The following CD4 variants were observed in gnomAD, a reference collection of about 807,000 sequenced individuals.
The protein encoded by CD4 is CD4 molecule.
CD4 carries 25 observed loss-of-function variants against 50.5 expected under a neutral mutation model. The ratio of observed to expected loss-of-function variants is 0.49; its 90% confidence interval spans 0.36 to 0.69. CD4 has a LOEUF of 0.69. CD4 is among the 30% of genes least tolerant of loss of function. The pLI is 0.00. For missense variants in CD4, 456 were observed against 548.5 expected (o/e 0.83, Z 1.68); for synonymous variants, 207 against 221.9 (o/e 0.93, Z 0.60).
intron 7 of CD4, among the ~76,000 whole-genome samples, chr12:6,817,864 TG>T (rs1180321535): frequency 7.0e-6 from 1 of 142,610 alleles, no homozygotes; most frequent in African/African-American, 2.9e-5. Context: ...TACTCACACA[TG>T]CATGCACACA....
intron 3 of CD4, among the ~76,000 whole-genome samples, chr12:6,811,494 T>C (rs1282679146): frequency 8.6e-6 from 1 of 116,278 alleles, no homozygotes; most frequent in African/African-American, 4.2e-5. Context: ...TCTTTTTCTT[T>C]TTTTTTTTTT....
In CD4 at chr12:6,815,721, T is replaced by C. The variant is rs1463434597; in HGVS notation, c.608-335T>C. 6.0e-6 allele frequency: 8 copies of C among 1,337,318 alleles called. No homozygotes were observed. In the African/African-American group the frequency reaches 1.0e-4, roughly 17 times the overall value. The allele number at this position is 1,337,318 out of a possible 1,614,324, so 82.8% of individuals were successfully genotyped here. A position where few individuals can be genotyped will look rare whatever the true frequency, so the allele number is the denominator to read the frequency against. On this transcript the variant is annotated intron_variant, in intron 5 of 9. Transcript: ENST00000011653. ...AGCCCTAGTTAAGTGTTCGCTGTTA[T>C]TTTGTGAAGGGTGATGAATACGCCT...
In CD4 at chr12:6,818,968, T is replaced by TGAGAGAGGAGGGGGAGGGAG. The variant is rs1943193681; in HGVS notation, c.1346+54_1346+55insGAGAGAGGAGGGGGAGGGAG. 6.0e-6 allele frequency: 3 copies of TGAGAGAGGAGGGGGAGGGAG among 497,368 alleles called. No homozygotes were observed. The highest frequency in any genetic ancestry group is 1.0e-5 in the Non-Finnish European group (3 of 296,680). The allele number at this position is 497,368 out of a possible 1,614,324, so 30.8% of individuals were successfully genotyped here. On this transcript the variant is annotated intron_variant, in intron 9 of 9. Coordinates refer to ENST00000011653, the MANE Select transcript of CD4 (RefSeq NM_000616.5). This position sits in a 1 kb window ranked among gnomAD's most constrained non-coding sequence, Gnocchi z 5.0. ...AGGGGAAAGGGGGAGGGGGAGGGAG[T>TGAGAGAGGAGGGGGAGGGAG]TAGAGAGGAGGGGGAGGAAGGGGAG...
chr12:6,806,494 T>G (rs782124238), intron 3 of CD4, among the ~76,000 whole-genome samples: 4 of 151,976 alleles, frequency 2.6e-5, no homozygotes, highest in African/African-American at 4.8e-5. Flanking sequence ...AGAAGAATAA[T>G]AAGAAAAGAC....
chr12:6,802,027 C>T (rs1176907834), intron 3 of CD4, among the ~76,000 whole-genome samples: 1 of 151,860 alleles, frequency 6.6e-6, no homozygotes, highest in Non-Finnish European at 1.5e-5. Flanking sequence ...GCGTGTGCCA[C>T]CATGCCCGGC....
At chr12:6,802,362 G>C (rs1460356776) in intron 3 of CD4, among the ~76,000 whole-genome samples, 1 of 145,722 alleles carries the variant, frequency 6.9e-6, no homozygotes, top group Non-Finnish European at 1.5e-5. Flanking sequence ...TCACTCTGCT[G>C]CCCAGGCTGG....
intron 1 of CD4, among the ~76,000 whole-genome samples, chr12:6,794,762 T>C (rs1942312062): frequency 6.8e-6 from 1 of 147,594 alleles, no homozygotes; most frequent in Non-Finnish European, 1.5e-5. Flanking sequence ...CTAATCTATC[T>C]GTCTGTATGT....
At chr12:6,813,172 T>C (rs1942987752) in intron 3 of CD4, among the ~76,000 whole-genome samples, 2 of 151,840 alleles carry the variant, frequency 1.3e-5, no homozygotes, top group South Asian at 4.2e-4. Flanking sequence ...ACTTCTGGGC[T>C]CAAGTGATTC....
In CD4 at chr12:6,818,961, G is replaced by A; in HGVS notation, c.1346+47G>A. ...TTGAGAGAGGGGAAAGGGGGAGGGG[G>A]AGGGAGTTAGAGAGGAGGGGGAGGA... On this transcript the variant is annotated intron_variant, in intron 9 of 9. Transcript: ENST00000011653. The surrounding 1 kb of genome is among the most constrained non-coding windows in gnomAD (Gnocchi z 5.0). 1 of 698,386 alleles carries A rather than the reference G, an allele frequency of 1.4e-6. No homozygotes were observed. Among genetic ancestry groups the A allele is most frequent in the South Asian group, 1.5e-5 (1 of 65,564 alleles). 43.3% of individuals were successfully genotyped at this position (698,386 alleles called of 1,614,324 possible).
rs1555117688 is a variant in CD4, at chr12:6,814,999, G to C, written c.607+7G>C. On this transcript the variant is annotated splice_region_variant and intron_variant, in intron 5 of 9. Transcript: ENST00000011653. ...ATAGACATCGTGGTGCTAGGTAAGGGAAGCCCCTCTTCGCGCAGTCTCCTC... is the reference window on the plus strand; with the variant it reads ...ATAGACATCGTGGTGCTAGGTAAGGCAAGCCCCTCTTCGCGCAGTCTCCTC... 1 of 1,596,000 alleles carries C rather than the reference G, an allele frequency of 6.3e-7. No individual in the cohort carries two copies. Among genetic ancestry groups the C allele is most frequent in the Admixed American group, 1.7e-5 (1 of 59,456 alleles).
At chr12:6,815,725 G>A (rs1001416272) in intron 5 of CD4, 1 of 1,344,624 alleles carries the variant, frequency 7.4e-7, no homozygotes, top group African/African-American at 1.5e-5. Context: ...CTGTTATTTT[G>A]TGAAGGGTGA....
Position 6,818,918 on chromosome 12 carries a change from A to C in CD4, c.1346+4A>C, listed in dbSNP as rs2137932089. The C allele has an allele frequency of 6.7e-7, 1 of 1,481,528 alleles. No homozygotes were observed. The highest frequency in any genetic ancestry group is 9.3e-7 in the Non-Finnish European group (1 of 1,071,646). 91.8% of individuals were successfully genotyped at this position (1,481,528 alleles called of 1,614,324 possible). On this transcript the variant is annotated splice_donor_region_variant and intron_variant, in intron 9 of 9. Transcript: ENST00000011653. The surrounding 1 kb of genome is among the most constrained non-coding windows in gnomAD (Gnocchi z 5.0). ...AGAAGACCTGCCAGTGTCCTCAGTA[A>C]GGATCTGGGAGGAGGGGTTGAGAGA...
chr12:6,807,178 A>G (rs1301513943), intron 3 of CD4, among the ~76,000 whole-genome samples: 7 of 250 alleles, frequency 0.028, no homozygotes, highest in Non-Finnish European at 0.042. Context: ...AAAAAACAAA[A>G]ACAAACAAAC....
At chr12:6,795,098 CTCTATCTA>C (rs10667545) in intron 1 of CD4, among the ~76,000 whole-genome samples, 102 of 147,216 alleles carry the variant, frequency 6.9e-4, no homozygotes, top group East Asian at 1.4e-3. Flanking sequence ...AAATGTCTGT[CTCTATCTA>C]TCTATCTATC....
chr12:6,812,767 ATTTTTGTGTGTGTGTG>A (rs1455636642), intron 3 of CD4, among the ~76,000 whole-genome samples: 13 of 144,432 alleles, frequency 9.0e-5, no homozygotes, highest in South Asian at 9.0e-4. Flanking sequence ...AACCAAGGTT[ATTTTTGTGTGTGTGTG>A]TGTGTGTGTG....
intron 1 of CD4, among the ~76,000 whole-genome samples, chr12:6,795,032 C>T (rs541951737): frequency 1.3e-5 from 2 of 149,742 alleles, no homozygotes; most frequent in East Asian, 2.0e-4. Flanking sequence ...GTGATCTACC[C>T]GCCTAAGCCT....
intron 9 of CD4, 70 bp from the exon 10 acceptor site, chr12:6,819,229 T>G: frequency 6.7e-7 from 1 of 1,486,350 alleles, no homozygotes; most frequent in Non-Finnish European, 9.4e-7. Context: ...GGAAAGGCCA[T>G]TGGAGGTGCT....
In CD4 at chr12:6,819,455, T is replaced by C. The variant is rs139368230; in HGVS notation, c.*126T>C. On this transcript the variant is annotated 3_prime_UTR_variant, in exon 10 of 10. Coordinates refer to ENST00000011653, the MANE Select transcript of CD4 (RefSeq NM_000616.5). ...CCTCCTGTTCGCCTCCTCTACAATTTGCCATTGTTTCTCCTGGGTTAGGCC... is the reference window on the plus strand; with the variant it reads ...CCTCCTGTTCGCCTCCTCTACAATTCGCCATTGTTTCTCCTGGGTTAGGCC... 1.6e-5 allele frequency: 14 copies of C among 897,542 alleles called. No individual in the cohort carries two copies. The African/African-American group carries it at 2.0e-4, about 13-fold the overall frequency. 55.6% of individuals were successfully genotyped at this position (897,542 alleles called of 1,614,324 possible).
At position 6,818,084 on chromosome 12, in the gene CD4, TCA is replaced by T. The variant is rs1211128525; in HGVS notation, c.1157-333_1157-332del. ...CACGCACACACATTCACACATGGAC[TCA>T]CACGCGCACACGCGCGCACACACAC... is the stretch of plus-strand genomic sequence containing the variant. On this transcript the variant is annotated intron_variant, in intron 7 of 9. Transcript: ENST00000011653. The surrounding 1 kb of genome is among the most constrained non-coding windows in gnomAD (Gnocchi z 5.0). 8.7e-5 allele frequency among the ~76,000 whole-genome samples: 9 copies of T among 102,958 alleles called. No homozygotes were observed. Among genetic ancestry groups the T allele is most frequent in the South Asian group, 3.3e-4 (1 of 3,048 alleles). The allele number at this position is 102,958 out of a possible 152,430, so 67.5% of individuals were successfully genotyped here.
Sources: allele counts gnomAD v4.1 joint callset (sites outside exome capture counted in the v4.1 genomes callset), GRCh38; gene constraint gnomAD v4.1.1; non-coding constraint Gnocchi (gnomAD v3.1); transcripts MANE v1.5; gene names NCBI Gene and HGNC (gene_info 2026-07-23, HGNC 2026-07-21).